The following TMEM135 variants were observed in gnomAD, a reference collection of about 807,000 sequenced individuals.
TMEM135 encodes the protein peroxisomal membrane protein 52.
A neutral mutation model predicts 60.3 loss-of-function variants in TMEM135; 30 were observed. The ratio of observed to expected loss-of-function variants is 0.50; its 90% CI spans 0.37 to 0.68. The LOEUF (loss-of-function observed/expected upper bound fraction) is 0.68. Among genes scored for constraint, TMEM135 ranks in the 30% least tolerant of loss-of-function variants. The pLI is 0.00. For missense variants in TMEM135, 468 were observed against 548.8 expected (o/e 0.85, Z 1.47); for synonymous variants, 190 against 186.7 (o/e 1.02, Z -0.14).
rs71654493 is a variant in TMEM135 at position 87,325,138 on chromosome 11, T to TGG, written c.*3810_*3811dup. 0.055 allele frequency: 25,004 copies of TGG among 453,828 alleles called. 1,469 individuals carry two copies. Among genetic ancestry groups the TGG allele is most frequent in the African/African-American group, 0.18 (9,040 of 49,966 alleles). 28.1% of individuals were successfully genotyped at this position (453,828 alleles called of 1,614,324 possible). ...TCAAGGACTGAGATGACCCTCAGATTGGGGGGCTGTCTTAGATTCTAGGGC... is the reference window on the plus strand; with the variant it reads ...TCAAGGACTGAGATGACCCTCAGATTGGGGGGGGCTGTCTTAGATTCTAGGGC... On this transcript the variant is annotated 3_prime_UTR_variant, in exon 15 of 15. Coordinates refer to ENST00000305494, the MANE Select transcript of TMEM135 (RefSeq NM_022918.4).
intron 3 of TMEM135, among the ~76,000 whole-genome samples, chr11:87,086,144 A>G (rs981680686): frequency 1.3e-5 from 2 of 152,186 alleles, no homozygotes; most frequent in African/African-American, 2.4e-5. Flanking sequence ...TGTCTATAAT[A>G]CACTTTTTTT....
chr11:87,254,120 C>A (rs1472655426), intron 6 of TMEM135, among the ~76,000 whole-genome samples: 1 of 152,014 alleles, frequency 6.6e-6, no homozygotes, highest in African/African-American at 2.4e-5. Context: ...TTTCTAATAT[C>A]AGTGGTGAGT....
At chr11:87,080,274 G>T (rs1022681843) in intron 3 of TMEM135, among the ~76,000 whole-genome samples, 1 of 150,492 alleles carries the variant, frequency 6.6e-6, no homozygotes, top group Non-Finnish European at 1.5e-5. Flanking sequence ...TTTGGGCCAG[G>T]TAATACCTTA....
intron 5 of TMEM135, among the ~76,000 whole-genome samples, chr11:87,206,928 C>A (rs1940248356): frequency 6.6e-6 from 1 of 151,976 alleles, no homozygotes; most frequent in Non-Finnish European, 1.5e-5. Context: ...GTCAGAATAT[C>A]CTGCTCAAGA....
At chr11:87,127,176 T>C (rs1937758926) in intron 4 of TMEM135, among the ~76,000 whole-genome samples, 1 of 152,208 alleles carries the variant, frequency 6.6e-6, no homozygotes, top group African/African-American at 2.4e-5. Flanking sequence ...AGGCCCTGTT[T>C]ATAGGTTGTT....
At chr11:87,173,407 T>G (rs2135292435) in intron 5 of TMEM135, among the ~76,000 whole-genome samples, 1 of 152,286 alleles carries the variant, frequency 6.6e-6, no homozygotes, top group South Asian at 2.1e-4. Context: ...AGATACTGGG[T>G]TTTAATTGTA....
intron 6 of TMEM135, among the ~76,000 whole-genome samples, chr11:87,237,805 C>G (rs1425846245): frequency 6.6e-6 from 1 of 151,890 alleles, no homozygotes; most frequent in Non-Finnish European, 1.5e-5. Flanking sequence ...CCCCCACCTC[C>G]CCCTGCTCCC....
At chr11:87,158,744 G>C (rs568742977) in intron 5 of TMEM135, among the ~76,000 whole-genome samples, 18 of 152,146 alleles carry the variant, frequency 1.2e-4, no homozygotes, top group African/African-American at 4.1e-4. Flanking sequence ...GATTACAGGC[G>C]TGAGCCACCG....
intron 4 of TMEM135, among the ~76,000 whole-genome samples, chr11:87,108,181 G>T (rs1245101473): frequency 6.6e-6 from 1 of 152,166 alleles, no homozygotes; most frequent in East Asian, 1.9e-4. Flanking sequence ...CAGATGGGTA[G>T]ATTGCAAAAA....
At chr11:87,268,505 T>G (rs1231715285) in intron 6 of TMEM135, among the ~76,000 whole-genome samples, 1 of 152,118 alleles carries the variant, frequency 6.6e-6, no homozygotes, top group Non-Finnish European at 1.5e-5. Context: ...GCATTTTAGA[T>G]GACTTAAATT....
At chr11:87,142,803 T>C (rs968129135) in intron 4 of TMEM135, among the ~76,000 whole-genome samples, 12 of 136,578 alleles carry the variant, frequency 8.8e-5, no homozygotes, top group Non-Finnish European at 3.2e-5. Flanking sequence ...CCTTTTACTT[T>C]TCCTTCTGCT....
At chr11:87,147,564 A>G (rs1164596358) in intron 4 of TMEM135, among the ~76,000 whole-genome samples, 2 of 152,142 alleles carry the variant, frequency 1.3e-5, no homozygotes, top group South Asian at 2.1e-4. Flanking sequence ...ATAGAAAATA[A>G]CTAAAGAAGA....
chr11:87,325,177 GT>G lies in TMEM135; in HGVS notation c.*3847del, dbSNP rs1942894747. 1 of 453,916 alleles carries G rather than the reference GT, an allele frequency of 2.2e-6. No homozygotes were observed. Among genetic ancestry groups the G allele is most frequent in the Non-Finnish European group, 4.4e-6 (1 of 226,788 alleles). 28.1% of individuals were successfully genotyped at this position (453,916 alleles called of 1,614,324 possible). ...AGATTCTAGGGCTTTGTAGTACTAT[GT>G]TTCTGTTTAAAGTAGTGGCCTCAGG... On this transcript the variant is annotated 3_prime_UTR_variant, in exon 15 of 15. Coordinates refer to ENST00000305494, the MANE Select transcript of TMEM135 (RefSeq NM_022918.4).
intron 6 of TMEM135, among the ~76,000 whole-genome samples, chr11:87,247,528 G>A (rs1240995767): frequency 1.3e-5 from 2 of 152,144 alleles, no homozygotes; most frequent in South Asian, 2.1e-4. Context: ...CTTCCCAGCT[G>A]CTTTGTTTAC....
chr11:87,217,508 G>C (rs751530369), intron 5 of TMEM135, among the ~76,000 whole-genome samples: 9 of 152,184 alleles, frequency 5.9e-5, no homozygotes, highest in Non-Finnish European at 1.2e-4. Flanking sequence ...ATTTGGGGCC[G>C]GGTGCGGTGG....
At chr11:87,195,501 G>A (rs949330) in intron 5 of TMEM135, among the ~76,000 whole-genome samples, 19,725 of 150,918 alleles carry the variant, frequency 0.13, 1,368 homozygotes, top group Non-Finnish European at 0.15. Context: ...ATCTCAGCTC[G>A]CCGCAATCTC....
chr11:87,227,286 G>A (rs189002536), intron 5 of TMEM135, among the ~76,000 whole-genome samples: 8 of 151,934 alleles, frequency 5.3e-5, no homozygotes, highest in Admixed American at 4.6e-4. Flanking sequence ...ATTGACTTAT[G>A]GAATGATAGA....
intron 5 of TMEM135, among the ~76,000 whole-genome samples, chr11:87,225,538 TAAAC>T (rs1473822623): frequency 6.6e-6 from 1 of 151,618 alleles, no homozygotes; most frequent in Non-Finnish European, 1.5e-5. Context: ...CAATTCAAAA[TAAAC>T]AAGAAAAGAA....
At chr11:87,100,039 C>T (rs1186992887) in intron 4 of TMEM135, among the ~76,000 whole-genome samples, 1 of 152,006 alleles carries the variant, frequency 6.6e-6, no homozygotes, top group Non-Finnish European at 1.5e-5. Flanking sequence ...GTTAGGGTTC[C>T]CAACGTAGAA....
Sources: gnomAD v4.1 joint callset for allele counts (sites outside exome capture counted in the v4.1 genomes callset) on GRCh38, gnomAD v4.1.1 for gene constraint, MANE v1.5 for transcripts, NCBI Gene and HGNC (gene_info 2026-07-23, HGNC 2026-07-21) for gene names.